Variants in EDIL3 observed in about 807,000 individuals in gnomAD.
The protein encoded by EDIL3 is EGF-like repeat and discoidin I-like domain-containing protein 3.
A neutral mutation model predicts 67.4 loss-of-function variants in EDIL3; 37 were observed. That is an observed-to-expected ratio of 0.55 (90% CI 0.42 to 0.72). The LOEUF is 0.72. EDIL3 is among the 30% of genes least tolerant of loss of function. EDIL3 has a pLI of 0.00. For synonymous variants in EDIL3, 195 were observed against 196.3 expected (o/e 0.99, Z 0.05); for missense variants, 527 against 586.3 (o/e 0.90, Z 1.04).
chr5:84,107,421 A>G (rs1747484304), intron 5 of EDIL3, among the ~76,000 whole-genome samples: 1 of 151,800 alleles, frequency 6.6e-6, no homozygotes, highest in Non-Finnish European at 1.5e-5. Context: ...ATTATAAATT[A>G]TAAAATATAT....
intron 1 of EDIL3, among the ~76,000 whole-genome samples, chr5:84,362,221 C>T (rs1156992183): frequency 6.6e-6 from 1 of 152,024 alleles, no homozygotes; most frequent in African/African-American, 2.4e-5. Flanking sequence ...ATTAGTGCAA[C>T]AAAAGAAAGA....
At chr5:83,985,198 A>C (rs1314776034) in intron 9 of EDIL3, among the ~76,000 whole-genome samples, 1 of 139,608 alleles carries the variant, frequency 7.2e-6, no homozygotes, top group Non-Finnish European at 1.6e-5. Flanking sequence ...TGATTACACC[A>C]GAGGAAAAAA....
rs73769794 is a variant in EDIL3 at position 84,296,443 on chromosome 5, T to C, written c.68-42231A>G. On this transcript the variant is annotated intron_variant, in intron 1 of 10. Coordinates refer to ENST00000296591, the MANE Select transcript of EDIL3 (RefSeq NM_005711.5). ...TACTCAGCAAATATTAAATACATATTTGGAAATTAAAATGAAACTAACTAA... is the reference window on the plus strand; with the variant it reads ...TACTCAGCAAATATTAAATACATATCTGGAAATTAAAATGAAACTAACTAA... Among the ~76,000 whole-genome samples, 699 of 146,810 alleles carry C rather than the reference T, an allele frequency of 4.8e-3. 3 individuals carry two copies. The highest frequency in any genetic ancestry group is 0.016 in the African/African-American group (667 of 41,080).
At position 83,944,276 on chromosome 5, in the gene EDIL3, C is replaced by CT. The variant is rs551834601; in HGVS notation, c.1294-709dup. Among the ~76,000 whole-genome samples the CT allele has an allele frequency of 2.9e-3, 447 of 151,710 alleles. 1 individual carries two copies. Among genetic ancestry groups the CT allele is most frequent in the African/African-American group, 0.01 (427 of 41,364 alleles). On this transcript the variant is annotated intron_variant, in intron 10 of 10. Transcript: ENST00000296591. Reference sequence around the variant, plus strand: ...GCTGTTTTTGAACTGTTTTTCTCTTCTTTTTTGGCTTCATCTATTAATTCC... The same window carrying CT: ...GCTGTTTTTGAACTGTTTTTCTCTTCTTTTTTTGGCTTCATCTATTAATTCC...
chr5:84,137,494 G>A, intron 4 of EDIL3, 140 bp from the exon 5 acceptor site: 1 of 633,180 alleles, frequency 1.6e-6, no homozygotes, highest in Non-Finnish European at 2.6e-6. Context: ...TGTTTAGTCA[G>A]TAATACAAAT....
chr5:84,017,009 T>C (rs2112186844), intron 9 of EDIL3, among the ~76,000 whole-genome samples: 1 of 152,326 alleles, frequency 6.6e-6, no homozygotes, highest in African/African-American at 2.4e-5. Context: ...CTAGTCCTTT[T>C]TGCCATCATG....
At chr5:84,134,043 A>G (rs1158105389) in intron 5 of EDIL3, among the ~76,000 whole-genome samples, 1 of 152,008 alleles carries the variant, frequency 6.6e-6, no homozygotes, top group Non-Finnish European at 1.5e-5. Flanking sequence ...AATGTTCAAT[A>G]GGTAATTGAT....
At chr5:84,117,481 G>T (rs1320195876) in intron 5 of EDIL3, among the ~76,000 whole-genome samples, 1 of 151,974 alleles carries the variant, frequency 6.6e-6, no homozygotes, top group Non-Finnish European at 1.5e-5. Context: ...TCCATAATGG[G>T]ATAAATTACT....
intron 4 of EDIL3, among the ~76,000 whole-genome samples, chr5:84,161,688 T>C (rs930035821): frequency 6.6e-6 from 1 of 152,096 alleles, no homozygotes; most frequent in African/African-American, 2.4e-5. Context: ...TAAAAATTCA[T>C]AGTGATATCC....
intron 9 of EDIL3, among the ~76,000 whole-genome samples, chr5:84,034,986 A>G (rs988492494): frequency 1.3e-5 from 2 of 152,150 alleles, no homozygotes; most frequent in Non-Finnish European, 2.9e-5. Context: ...TTTATCTTAA[A>G]TAAATTTTTC....
At chr5:84,213,962 C>G (rs1379733888) in intron 3 of EDIL3, among the ~76,000 whole-genome samples, 2 of 152,050 alleles carry the variant, frequency 1.3e-5, no homozygotes, top group African/African-American at 2.4e-5. Flanking sequence ...CTTAGGAAGC[C>G]AAGTGGATTT....
intron 4 of EDIL3, among the ~76,000 whole-genome samples, chr5:84,166,902 T>A (rs981093420): frequency 8.5e-5 from 13 of 152,060 alleles, no homozygotes; most frequent in Non-Finnish European, 2.9e-5. Flanking sequence ...ACATCTGAGG[T>A]CAGCAGAGAA....
chr5:84,215,215 G>A (rs1744203356), intron 3 of EDIL3, among the ~76,000 whole-genome samples: 1 of 152,048 alleles, frequency 6.6e-6, no homozygotes, highest in Non-Finnish European at 1.5e-5. Context: ...TTTATATTTA[G>A]CCTGGACAGA....
intron 6 of EDIL3, among the ~76,000 whole-genome samples, chr5:84,095,453 G>A (rs1026688871): frequency 7.9e-5 from 12 of 152,310 alleles, no homozygotes; most frequent in African/African-American, 2.9e-4. Context: ...TCCAGGCTGA[G>A]GTGGTCTCAG....
intron 9 of EDIL3, among the ~76,000 whole-genome samples, chr5:84,006,078 T>TTAA (rs142039045): frequency 0.12 from 16,998 of 139,728 alleles, 979 homozygotes; most frequent in African/African-American, 0.16. Context: ...CACAATAGCA[T>TTAA]TAATAATAAT....
intron 1 of EDIL3, among the ~76,000 whole-genome samples, chr5:84,338,725 C>T (rs1321792707): frequency 2.6e-5 from 4 of 152,124 alleles, no homozygotes; most frequent in Non-Finnish European, 5.9e-5. Context: ...TAACTGAGAA[C>T]ATCATACAAT....
chr5:84,212,804 A>T (rs1333558546), intron 3 of EDIL3, among the ~76,000 whole-genome samples: 1 of 152,164 alleles, frequency 6.6e-6, no homozygotes, highest in Non-Finnish European at 1.5e-5. Flanking sequence ...ATGTGATGGG[A>T]TATTAAACCC....
chr5:84,140,073 A>T (rs1397501908), intron 4 of EDIL3, among the ~76,000 whole-genome samples: 2 of 152,144 alleles, frequency 1.3e-5, no homozygotes, highest in Non-Finnish European at 2.9e-5. Flanking sequence ...GCAGGATGAG[A>T]AGGATTAAAG....
chr5:84,127,901 T>G (rs1243428687), intron 5 of EDIL3, among the ~76,000 whole-genome samples: 1 of 152,110 alleles, frequency 6.6e-6, no homozygotes, highest in African/African-American at 2.4e-5. Context: ...AATGCTTTCC[T>G]TAACTACAAT....
Sources: gnomAD v4.1 joint callset for allele counts (sites outside exome capture counted in the v4.1 genomes callset) on GRCh38, gnomAD v4.1.1 for gene constraint, MANE v1.5 for transcripts, NCBI Gene and HGNC (gene_info 2026-07-23, HGNC 2026-07-21) for gene names.